Variants in PLA2R1 observed in about 807,000 individuals in gnomAD.
The protein encoded by PLA2R1 is phospholipase A2 receptor 1, also known as secretory phospholipase A2 receptor.
In PLA2R1, 158 loss-of-function variants were observed where a neutral mutation model predicts 195.9. That is an observed-to-expected ratio of 0.81 (90% CI 0.71 to 0.92). The LOEUF (loss-of-function observed/expected upper bound fraction) is 0.92. Among genes scored for constraint, PLA2R1 ranks in the 40% least tolerant of loss-of-function variants. PLA2R1 has a pLI of 0.00. For missense variants in PLA2R1, 1,626 were observed against 1,764.6 expected, an observed-to-expected ratio of 0.92 and a Z score of 1.41; for synonymous variants, 586 against 598.2, an observed-to-expected ratio of 0.98 and a Z score of 0.30.
At chr2:160,005,514 TA>T in intron 11 of PLA2R1, 137 bp downstream of exon 11, 2 of 607,950 alleles carry the variant, frequency 3.3e-6, no homozygotes, top group Non-Finnish European at 5.8e-6. Context: ...CACCCCCTGT[TA>T]ACCTGTGTTG....
At chr2:159,945,332 A>G (rs886180756) in intron 27 of PLA2R1, among the ~76,000 whole-genome samples, 6 of 152,122 alleles carry the variant, frequency 3.9e-5, no homozygotes, top group East Asian at 1.9e-4. Context: ...ATATCTCCCA[A>G]TGCTATCCCT....
At chr2:160,006,017 A>G (rs887247759) in intron 10 of PLA2R1, among the ~76,000 whole-genome samples, 196 bp from the exon 11 acceptor site, 4 of 152,224 alleles carry the variant, frequency 2.6e-5, no homozygotes, top group Non-Finnish European at 5.9e-5. Context: ...TCCCAGAACT[A>G]TATGAGTGAG....
intron 28 of PLA2R1, among the ~76,000 whole-genome samples, chr2:159,943,273 G>T (rs1014053938): frequency 2.6e-5 from 4 of 152,096 alleles, no homozygotes; most frequent in Non-Finnish European, 5.9e-5. Context: ...CCCCGGCCCA[G>T]ACTTGTTCTT....
intron 2 of PLA2R1, among the ~76,000 whole-genome samples, chr2:160,043,765 G>C (rs1694691779): frequency 1.3e-5 from 2 of 152,206 alleles, no homozygotes; most frequent in Admixed American, 1.3e-4. Flanking sequence ...CTGGTTTGCA[G>C]CACTTGCTTT....
At chr2:159,969,605 G>A (rs575815642) in intron 18 of PLA2R1, among the ~76,000 whole-genome samples, 2 of 152,130 alleles carry the variant, frequency 1.3e-5, no homozygotes, top group African/African-American at 2.4e-5. Context: ...ACAGTGGCAC[G>A]ATCTCGGCTC....
At chr2:159,988,495 A>G (rs1690519152) in intron 11 of PLA2R1, among the ~76,000 whole-genome samples, 1 of 152,220 alleles carries the variant, frequency 6.6e-6, no homozygotes, top group Admixed American at 6.5e-5. Context: ...AAAGTTCTGG[A>G]GGAGACATCA....
At chr2:159,989,299 A>G (rs1387368676) in intron 11 of PLA2R1, among the ~76,000 whole-genome samples, 1 of 152,216 alleles carries the variant, frequency 6.6e-6, no homozygotes, top group Non-Finnish European at 1.5e-5. Context: ...CAGCTGGATC[A>G]TGAACAGTAC....
intron 2 of PLA2R1, among the ~76,000 whole-genome samples, chr2:160,044,550 A>C (rs79383158): frequency 2.0e-5 from 3 of 152,232 alleles, no homozygotes; most frequent in East Asian, 3.9e-4. Flanking sequence ...AATACCTTTA[A>C]ATTCTGAGAA....
chr2:159,925,199 A>AAC, the PLA2R1 span, among the ~76,000 whole-genome samples: 59,764 of 151,204 alleles, frequency 0.4, 14,813 homozygotes, highest in Non-Finnish European at 0.55. Flanking sequence ...AAAAAAAAAC[A>AAC]AACAAACAAT....
chr2:160,043,214 GACAGGATCAGATTT>G (rs1252311128), intron 2 of PLA2R1, among the ~76,000 whole-genome samples: 2 of 152,080 alleles, frequency 1.3e-5, no homozygotes, highest in African/African-American at 2.4e-5. Context: ...ATGGGAAAGT[GACAGGATCAGATTT>G]ACATTTTTAA....
chr2:160,029,859 T>C (rs1453497185), intron 4 of PLA2R1, among the ~76,000 whole-genome samples: 8 of 152,218 alleles, frequency 5.3e-5, no homozygotes, highest in South Asian at 2.1e-4. Flanking sequence ...GTTTAATCTA[T>C]AAAGGAGAGC....
At chr2:159,963,943 T>C (rs1209018887) in intron 20 of PLA2R1, among the ~76,000 whole-genome samples, 1 of 152,102 alleles carries the variant, frequency 6.6e-6, no homozygotes, top group Non-Finnish European at 1.5e-5. Flanking sequence ...CATTGAAGCA[T>C]TATTCACAAT....
intron 11 of PLA2R1, among the ~76,000 whole-genome samples, chr2:159,995,525 A>T (rs1415962882): frequency 1.3e-5 from 2 of 151,916 alleles, no homozygotes; most frequent in African/African-American, 4.8e-5. Context: ...CTAAACTTTT[A>T]TTTTTTTGCA....
At chr2:160,014,326 A>T (rs1229602350) in intron 9 of PLA2R1, among the ~76,000 whole-genome samples, 2 of 151,490 alleles carry the variant, frequency 1.3e-5, no homozygotes, top group Non-Finnish European at 2.9e-5. Flanking sequence ...GACAAAAATG[A>T]CAAACATGTA....
intron 1 of PLA2R1, among the ~76,000 whole-genome samples, chr2:160,053,946 G>A (rs1001119153): frequency 4.6e-5 from 7 of 152,244 alleles, no homozygotes; most frequent in Non-Finnish European, 1.0e-4. Context: ...TAAGTGGAAG[G>A]AAGGCCCTTC....
At chr2:160,035,583 T>C (rs1694119452) in intron 3 of PLA2R1, among the ~76,000 whole-genome samples, 1 of 152,228 alleles carries the variant, frequency 6.6e-6, no homozygotes, top group African/African-American at 2.4e-5. Flanking sequence ...ATTGTGTTTA[T>C]ATCATCTCTT....
At chr2:159,928,060 T>A (rs1461878163), downstream of PLA2R1, among the ~76,000 whole-genome samples, 1 of 152,208 alleles carries the variant, frequency 6.6e-6, no homozygotes, top group African/African-American at 2.4e-5. Flanking sequence ...GGAGATGGAC[T>A]GGAACTTAAA....
At chr2:159,963,094 T>C (rs1688561685) in intron 20 of PLA2R1, among the ~76,000 whole-genome samples, 1 of 152,218 alleles carries the variant, frequency 6.6e-6, no homozygotes, top group South Asian at 2.1e-4. Flanking sequence ...GTTGTGTTCA[T>C]GCTTTTGGGT....
At chr2:159,930,271 G>A (rs1308238517), downstream of PLA2R1, among the ~76,000 whole-genome samples, 3 of 152,158 alleles carry the variant, frequency 2.0e-5, no homozygotes, top group Non-Finnish European at 4.4e-5. Flanking sequence ...AGCCAGGCAT[G>A]GTGGCACGCG....
Sources: gnomAD v4.1 joint callset for allele counts (sites outside exome capture counted in the v4.1 genomes callset) on GRCh38, gnomAD v4.1.1 for gene constraint, MANE v1.5 for transcripts, NCBI Gene and HGNC (gene_info 2026-07-23, HGNC 2026-07-21) for gene names.